The following ZC3H3 variants were observed in gnomAD, a reference collection of about 807,000 sequenced individuals.
ZC3H3 encodes zinc finger CCCH domain-containing protein 3.
ZC3H3 carries 36 observed loss-of-function variants against 77.3 expected under a neutral mutation model. The ratio of observed to expected loss-of-function variants is 0.47; its 90% CI spans 0.36 to 0.61. The LOEUF (loss-of-function observed/expected upper bound fraction) is 0.61. ZC3H3 is among the 20% of genes least tolerant of loss of function. ZC3H3 has a pLI of 0.00. For missense variants in ZC3H3, 1,331 were observed against 1,312.2 expected, an observed-to-expected ratio of 1.01 and a Z score of -0.22; for synonymous variants, 626 against 555.2, an observed-to-expected ratio of 1.13 and a Z score of -1.79.
Position 143,496,740 on chromosome 8 carries a change from C to A in ZC3H3, c.1715+11006G>T, listed in dbSNP as rs575208121. Among the ~76,000 whole-genome samples, 3 of 152,238 alleles carry A rather than the reference C, an allele frequency of 2.0e-5. No homozygotes were observed. The South Asian group carries it at 6.2e-4, about 31-fold the overall frequency. On this transcript the variant is annotated intron_variant, in intron 4 of 11. Coordinates refer to ENST00000262577, the MANE Select transcript of ZC3H3 (RefSeq NM_015117.3). ...CCCAACAATTGCCCAAAGTAACCTG[C>A]TCCGCAGAGAAACTGCCGGATGGCC...
intron 4 of ZC3H3, among the ~76,000 whole-genome samples, chr8:143,495,013 C>A (rs1271249542): frequency 6.6e-6 from 1 of 152,152 alleles, no homozygotes; most frequent in African/African-American, 2.4e-5. Flanking sequence ...CAGAAAGGGT[C>A]GCGGCACGCT....
At chr8:143,505,759 G>A (rs1821672877) in intron 4 of ZC3H3, among the ~76,000 whole-genome samples, 1 of 152,226 alleles carries the variant, frequency 6.6e-6, no homozygotes, top group Admixed American at 6.5e-5. Context: ...ACTGAGGCCT[G>A]GAGCCCATGG....
chr8:143,525,408 G>A, intron 3 of ZC3H3, among the ~76,000 whole-genome samples: 1 of 152,242 alleles, frequency 6.6e-6, no homozygotes, highest in East Asian at 1.9e-4. Flanking sequence ...TAGAAGCCCT[G>A]AAGAGGGACA....
Position 143,530,211 on chromosome 8 carries a change from G to T in ZC3H3, c.1561+6046C>A, listed in dbSNP as rs1441590946. ...AGCCAGGCCCTTTCTGTCCACCACA[G>T]GTGTGCCCAGGACCTGCCAGGCCCG... On this transcript the variant is annotated intron_variant, in intron 3 of 11. Coordinates refer to ENST00000262577, the MANE Select transcript of ZC3H3 (RefSeq NM_015117.3). The surrounding 1 kb of genome is among the most constrained non-coding windows in gnomAD (Gnocchi z 4.3). 6.6e-6 allele frequency among the ~76,000 whole-genome samples: 1 copy of T among 152,100 alleles called. No individual in the cohort carries two copies. Among genetic ancestry groups the T allele is most frequent in the Non-Finnish European group, 1.5e-5 (1 of 68,002 alleles).
At chr8:143,449,325 T>G (rs150863467) in intron 9 of ZC3H3, among the ~76,000 whole-genome samples, 1 of 152,212 alleles carries the variant, frequency 6.6e-6, no homozygotes, top group Non-Finnish European at 1.5e-5. Flanking sequence ...ATTTCCCTTT[T>G]AAATATAAGT....
chr8:143,441,370 G>A (rs1434676337), intron 9 of ZC3H3, among the ~76,000 whole-genome samples: 1 of 152,208 alleles, frequency 6.6e-6, no homozygotes, highest in Non-Finnish European at 1.5e-5. Context: ...TGAGAGCAGG[G>A]CGGGGCTGGG....
At chr8:143,515,289 C>A (rs1003512207) in intron 3 of ZC3H3, among the ~76,000 whole-genome samples, 3 of 152,256 alleles carry the variant, frequency 2.0e-5, no homozygotes, top group African/African-American at 7.2e-5. Context: ...GCACTCCCCC[C>A]GCTGCAACGC....
intron 4 of ZC3H3, among the ~76,000 whole-genome samples, chr8:143,479,737 C>T (rs1392833852): frequency 6.6e-6 from 1 of 152,198 alleles, no homozygotes; most frequent in Non-Finnish European, 1.5e-5. Flanking sequence ...GACAATGCCC[C>T]AGGATTTATC....
chr8:143,511,993 C>T (rs949943921), intron 3 of ZC3H3, among the ~76,000 whole-genome samples: 33 of 152,266 alleles, frequency 2.2e-4, no homozygotes, highest in Non-Finnish European at 4.3e-4. Flanking sequence ...GCAGACAGGA[C>T]GGCGTGGGGC....
At chr8:143,527,629 T>C (rs981958354) in intron 3 of ZC3H3, among the ~76,000 whole-genome samples, 2 of 152,172 alleles carry the variant, frequency 1.3e-5, no homozygotes, top group African/African-American at 4.8e-5. Context: ...AGCATTTTCT[T>C]TTTCCCTTAT....
intron 3 of ZC3H3, among the ~76,000 whole-genome samples, chr8:143,515,315 TG>T (rs1337347630): frequency 1.3e-5 from 2 of 152,238 alleles, no homozygotes; most frequent in African/African-American, 4.8e-5. Flanking sequence ...CCCTCCATCA[TG>T]CCAGCCAGGC....
intron 9 of ZC3H3, among the ~76,000 whole-genome samples, chr8:143,455,692 G>T (rs1288936718): frequency 1.3e-5 from 2 of 152,184 alleles, no homozygotes; most frequent in Non-Finnish European, 2.9e-5. Context: ...TAAAAAGGCA[G>T]CCGGGCGTGA....
rs1042371226 is a variant in ZC3H3 at position 143,493,502 on chromosome 8, A to G, written c.1715+14244T>C. On this transcript the variant is annotated intron_variant, in intron 4 of 11. Coordinates refer to ENST00000262577, the MANE Select transcript of ZC3H3 (RefSeq NM_015117.3). This position sits in a 1 kb window ranked among gnomAD's most constrained non-coding sequence, Gnocchi z 4.8. ...CACCTGGAGAAGGTGGAAGGTATGC[A>G]GGCTCGGGGGGATGCCAGCTCAGCC... Among the ~76,000 whole-genome samples the G allele has an allele frequency of 1.3e-5, 2 of 152,192 alleles. No homozygotes were observed. Among genetic ancestry groups the G allele is most frequent in the African/African-American group, 4.8e-5 (2 of 41,442 alleles).
chr8:143,516,536 C>G (rs1822050899), intron 3 of ZC3H3, among the ~76,000 whole-genome samples: 1 of 124,492 alleles, frequency 8.0e-6, no homozygotes, highest in Admixed American at 8.1e-5. Flanking sequence ...CACACACACA[C>G]ACACACACAC....
intron 9 of ZC3H3, among the ~76,000 whole-genome samples, chr8:143,458,405 G>C (rs1040892107): frequency 6.7e-6 from 1 of 148,326 alleles, no homozygotes; most frequent in African/African-American, 2.4e-5. Context: ...CCAGCATTTA[G>C]GGAGGCAGAG....
chr8:143,526,232 C>T (rs1348558942), intron 3 of ZC3H3, among the ~76,000 whole-genome samples: 1 of 152,252 alleles, frequency 6.6e-6, no homozygotes, highest in Non-Finnish European at 1.5e-5. Context: ...CCAAGAGTCA[C>T]ACCCATGACA....
intron 3 of ZC3H3, among the ~76,000 whole-genome samples, chr8:143,531,680 T>A (rs1018251796): frequency 1.3e-5 from 2 of 152,252 alleles, no homozygotes; most frequent in East Asian, 3.8e-4. Flanking sequence ...GCTGATAATA[T>A]GCGCCAAAAT....
chr8:143,474,944 G>C (rs1032792662), intron 5 of ZC3H3, among the ~76,000 whole-genome samples: 2 of 152,218 alleles, frequency 1.3e-5, no homozygotes, highest in Non-Finnish European at 2.9e-5. Flanking sequence ...GCTCGCCCGG[G>C]CGTGTTTGCC....
rs551031779 is a variant in ZC3H3, at chr8:143,486,800, G to A, written c.1716-11215C>T. Among the ~76,000 whole-genome samples, 323 of 143,410 alleles carry A rather than the reference G, an allele frequency of 2.3e-3. 1 individual carries two copies. Among genetic ancestry groups the A allele is most frequent in the African/African-American group, 8.1e-3 (304 of 37,590 alleles). The allele number at this position is 143,410 out of a possible 152,430, so 94.1% of individuals were successfully genotyped here. A position where few individuals can be genotyped will look rare whatever the true frequency, so the allele number is the denominator to read the frequency against. ...ACACACAGAACAGCACCCGCTACAC[G>A]ACCCCATCACCACGAAGCTCAGACA... On this transcript the variant is annotated intron_variant, in intron 4 of 11. Coordinates refer to ENST00000262577, the MANE Select transcript of ZC3H3 (RefSeq NM_015117.3).
Sources: gnomAD v4.1 joint callset for allele counts (sites outside exome capture counted in the v4.1 genomes callset) on GRCh38, gnomAD v4.1.1 for gene constraint, Gnocchi (gnomAD v3.1) non-coding constraint, MANE v1.5 for transcripts, NCBI Gene and HGNC (gene_info 2026-07-23, HGNC 2026-07-21) for gene names.